The following PTPRM variants were observed in gnomAD, a reference collection of about 807,000 sequenced individuals.
The protein encoded by PTPRM is protein tyrosine phosphatase receptor type M.
PTPRM carries 47 observed loss-of-function variants against 186.7 expected under a neutral mutation model. The ratio of observed to expected loss-of-function variants is 0.25; its 90% CI spans 0.20 to 0.32. The LOEUF (loss-of-function observed/expected upper bound fraction) is 0.32, where lower values mean the gene tolerates loss of function less well. Among genes scored for constraint, PTPRM ranks in the 10% least tolerant of loss-of-function variants. The pLI is 1.00. For missense variants in PTPRM, 1,494 were observed against 1,865.0 expected (o/e 0.80, Z 3.66); for synonymous variants, 668 against 674.9 (o/e 0.99, Z 0.16).
intron 11 of PTPRM, among the ~76,000 whole-genome samples, chr18:8,094,489 T>A (rs1438403063): frequency 6.6e-6 from 1 of 152,096 alleles, no homozygotes; most frequent in Non-Finnish European, 1.5e-5. Context: ...TCCCAGCACT[T>A]TGGGAGGCCA....
chr18:8,235,145 G>T (rs747910124), intron 14 of PTPRM, among the ~76,000 whole-genome samples: 3 of 152,108 alleles, frequency 2.0e-5, no homozygotes, highest in African/African-American at 4.8e-5. Context: ...ACATGGTAGA[G>T]AATTGGTATG....
chr18:8,026,006 A>G (rs2085550078), intron 7 of PTPRM, among the ~76,000 whole-genome samples: 1 of 152,224 alleles, frequency 6.6e-6, no homozygotes, highest in Admixed American at 6.5e-5. Context: ...GAGCATTCAC[A>G]AGATTCATCA....
intron 2 of PTPRM, among the ~76,000 whole-genome samples, chr18:7,784,129 T>TA (rs570235117): frequency 5.7e-4 from 86 of 152,152 alleles, no homozygotes; most frequent in African/African-American, 2.0e-3. Context: ...GGGTCCCCCA[T>TA]AAAAAAGTAG....
At chr18:8,280,154 A>T (rs2094885106) in intron 19 of PTPRM, among the ~76,000 whole-genome samples, 1 of 152,126 alleles carries the variant, frequency 6.6e-6, no homozygotes, top group Non-Finnish European at 1.5e-5. Context: ...TGCAAGATCA[A>T]GGTGCCGGCA....
intron 22 of PTPRM, among the ~76,000 whole-genome samples, chr18:8,321,722 A>G (rs2095347029): frequency 6.6e-6 from 1 of 152,216 alleles, no homozygotes; most frequent in Admixed American, 6.5e-5. Flanking sequence ...TGGCAGTACT[A>G]ACATCACTGC....
At chr18:7,860,086 T>C (rs1352107210) in intron 2 of PTPRM, among the ~76,000 whole-genome samples, 5 of 152,064 alleles carry the variant, frequency 3.3e-5, no homozygotes, top group Non-Finnish European at 1.5e-5. Context: ...TTTATTTTTT[T>C]TTTTGAGACA....
chr18:7,984,591 A>ATG (rs2147501184), intron 7 of PTPRM, among the ~76,000 whole-genome samples: 1 of 124,802 alleles, frequency 8.0e-6, no homozygotes, highest in East Asian at 2.2e-4. Flanking sequence ...ATATATATAT[A>ATG]TATATATATA....
At chr18:8,369,327 A>G (rs1408248266) in intron 23 of PTPRM, among the ~76,000 whole-genome samples, 1 of 152,256 alleles carries the variant, frequency 6.6e-6, no homozygotes, top group Non-Finnish European at 1.5e-5. Context: ...CAGAACAAGT[A>G]AATAGCACTG....
At chr18:8,077,270 T>C (rs1449429748) in intron 9 of PTPRM, among the ~76,000 whole-genome samples, 1 of 152,142 alleles carries the variant, frequency 6.6e-6, no homozygotes, top group Non-Finnish European at 1.5e-5. Flanking sequence ...AAATTATATG[T>C]TGTAAAGTTT....
At chr18:8,326,178 A>G (rs1598312358) in intron 22 of PTPRM, among the ~76,000 whole-genome samples, 1 of 152,268 alleles carries the variant, frequency 6.6e-6, no homozygotes, top group East Asian at 1.9e-4. Context: ...CTCTTTAATT[A>G]GGTCTGATTT....
At chr18:8,124,357 C>T (rs902483432) in intron 13 of PTPRM, among the ~76,000 whole-genome samples, 7 of 152,312 alleles carry the variant, frequency 4.6e-5, no homozygotes, top group Admixed American at 6.5e-5. Context: ...CCATCAACTT[C>T]GATAGCAGTG....
chr18:7,602,887 T>G (rs1183047769), intron 1 of PTPRM, among the ~76,000 whole-genome samples: 1 of 146,284 alleles, frequency 6.8e-6, no homozygotes, highest in Non-Finnish European at 1.5e-5. Context: ...TGAAAATATC[T>G]AAGAACGATG....
In PTPRM at chr18:7,568,588, C is replaced by T. The variant is rs2036492407; in HGVS notation, c.73+697C>T. 6.6e-6 allele frequency among the ~76,000 whole-genome samples: 1 copy of T among 152,172 alleles called. No individual in the cohort carries two copies. Among genetic ancestry groups the T allele is most frequent in the South Asian group, 2.1e-4 (1 of 4,834 alleles). ...CCACGGCCCTGCGCCCCGCTGGGCT[C>T]CCCCTCCCCACCCTCGTCCCCCTAG... On this transcript the variant is annotated intron_variant, in intron 1 of 32. Transcript: ENST00000580170. This position sits in a 1 kb window ranked among gnomAD's most constrained non-coding sequence, Gnocchi z 5.1.
chr18:7,999,808 T>C (rs1287138335), intron 7 of PTPRM, among the ~76,000 whole-genome samples: 1 of 152,046 alleles, frequency 6.6e-6, no homozygotes, highest in Non-Finnish European at 1.5e-5. Flanking sequence ...GATATGTGTG[T>C]GCACACACAC....
At chr18:8,390,413 C>T (rs190103249) in intron 31 of PTPRM, among the ~76,000 whole-genome samples, 1 of 152,296 alleles carries the variant, frequency 6.6e-6, no homozygotes, top group Admixed American at 6.5e-5. Flanking sequence ...GAAATATTGA[C>T]AACGTGGACT....
chr18:8,384,411 T>A (rs1159187794), intron 29 of PTPRM, 150 bp from the exon 30 acceptor site: 21 of 847,662 alleles, frequency 2.5e-5, no homozygotes, highest in Admixed American at 1.8e-4. Flanking sequence ...TGAGCCATGA[T>A]CGCACCACTG....
intron 14 of PTPRM, among the ~76,000 whole-genome samples, chr18:8,177,717 G>A (rs542323919): frequency 2.6e-5 from 4 of 152,350 alleles, no homozygotes; most frequent in Non-Finnish European, 1.5e-5. Context: ...TTATTGAAAA[G>A]CTTTGGAGCA....
chr18:7,594,602 C>T (rs2037209696), intron 1 of PTPRM, among the ~76,000 whole-genome samples: 2 of 152,110 alleles, frequency 1.3e-5, no homozygotes, highest in African/African-American at 4.8e-5. Flanking sequence ...CGCCTGCTGT[C>T]CTGCAGAAGG....
chr18:7,628,464 C>T (rs985581018), intron 1 of PTPRM, among the ~76,000 whole-genome samples: 1 of 152,118 alleles, frequency 6.6e-6, no homozygotes, highest in African/African-American at 2.4e-5. Flanking sequence ...CATACAAAAA[C>T]GTGATTGTAA....
Sources: gnomAD v4.1 joint callset for allele counts (sites outside exome capture counted in the v4.1 genomes callset) on GRCh38, gnomAD v4.1.1 for gene constraint, Gnocchi (gnomAD v3.1) non-coding constraint, MANE v1.5 for transcripts, NCBI Gene and HGNC (gene_info 2026-07-23, HGNC 2026-07-21) for gene names.